The following LIN9 variants were observed in gnomAD, a reference collection of about 807,000 sequenced individuals.
LIN9 encodes the protein lin-9 DREAM MuvB core complex component.
A neutral mutation model predicts 78.0 loss-of-function variants in LIN9; 18 were observed. That is an observed-to-expected ratio of 0.23 (90% confidence interval 0.16 to 0.34). The LOEUF is 0.34. Among genes scored for constraint, LIN9 ranks in the 10% least tolerant of loss-of-function variants. The pLI, the probability that LIN9 is intolerant of heterozygous loss-of-function variation, is 1.00. For missense variants in LIN9, 451 were observed against 644.1 expected (o/e 0.70, Z 3.25); for synonymous variants, 192 against 215.2 (o/e 0.89, Z 0.94).
chr1:226,235,911 T>A (rs1657673994), intron 12 of LIN9, among the ~76,000 whole-genome samples: 1 of 152,220 alleles, frequency 6.6e-6, no homozygotes, highest in African/African-American at 2.4e-5. Flanking sequence ...TACATTGTAT[T>A]TCCACTTATT....
intron 1 of LIN9, among the ~76,000 whole-genome samples, chr1:226,305,323 A>C (rs931704380): frequency 6.7e-6 from 1 of 148,612 alleles, no homozygotes; most frequent in African/African-American, 2.5e-5. Flanking sequence ...AAGAAAAAAA[A>C]AAAAAAAAAA....
At chr1:226,298,922 G>A (rs1164218121) in intron 2 of LIN9, among the ~76,000 whole-genome samples, 1 of 151,946 alleles carries the variant, frequency 6.6e-6, no homozygotes, top group Non-Finnish European at 1.5e-5. Context: ...AAATCAGCGT[G>A]GTTATTTCTG....
intron 4 of LIN9, among the ~76,000 whole-genome samples, chr1:226,288,131 C>A (rs536621263): frequency 1.1e-4 from 17 of 152,240 alleles, no homozygotes; most frequent in Admixed American, 7.9e-4. Flanking sequence ...GCCACCACAC[C>A]CAGCTAATTT....
intron 11 of LIN9, among the ~76,000 whole-genome samples, chr1:226,244,592 C>A (rs575308314): frequency 2.6e-5 from 4 of 152,168 alleles, no homozygotes; most frequent in Non-Finnish European, 4.4e-5. Flanking sequence ...GTGTGGCTTA[C>A]AGGTTCATGT....
At chr1:226,257,390 C>T (rs1659272675) in intron 10 of LIN9, among the ~76,000 whole-genome samples, 1 of 152,036 alleles carries the variant, frequency 6.6e-6, no homozygotes, top group Admixed American at 6.5e-5. Context: ...CTAATTGTTC[C>T]AACAGATAAC....
In LIN9 at chr1:226,243,493, G is replaced by A. The variant is rs1356614178; in HGVS notation, c.1120-4397C>T. On this transcript the variant is annotated intron_variant, in intron 11 of 14. Coordinates refer to ENST00000681046, the MANE Select transcript of LIN9 (RefSeq NM_001366245.2). ...GCAGATCACTTGAGGTCAGGAGTTC[G>A]AGACCAGCCTGGCCAACATGGTGAA... Among the ~76,000 whole-genome samples, 9 of 152,088 alleles carry A rather than the reference G, an allele frequency of 5.9e-5. No individual in the cohort carries two copies. The South Asian group carries it at 1.0e-3, about 18-fold the overall frequency.
intron 7 of LIN9, among the ~76,000 whole-genome samples, chr1:226,276,446 A>G (rs1199170989): frequency 6.6e-6 from 1 of 152,240 alleles, no homozygotes; most frequent in African/African-American, 2.4e-5. Context: ...TCTGTTGATT[A>G]CACAGTGAGT....
At chr1:226,304,908 T>C (rs1049075923) in intron 1 of LIN9, among the ~76,000 whole-genome samples, 1 of 152,046 alleles carries the variant, frequency 6.6e-6, no homozygotes, top group African/African-American at 2.4e-5. Context: ...ATTTAAAGAA[T>C]ATGGGCCTGG....
At chr1:226,305,523 A>ACAT (rs1662855649) in intron 1 of LIN9, among the ~76,000 whole-genome samples, 1 of 151,726 alleles carries the variant, frequency 6.6e-6, no homozygotes. Flanking sequence ...TTTAAAGAAG[A>ACAT]CATAATTTAG....
chr1:226,290,882 G>A (rs183978013), intron 4 of LIN9, among the ~76,000 whole-genome samples: 273 of 152,084 alleles, frequency 1.8e-3, no homozygotes, highest in African/African-American at 6.1e-3. Context: ...TCAGCCTCCC[G>A]AGTAGCTGGG....
chr1:226,231,455 T>A lies in LIN9; in HGVS notation c.*1046A>T, dbSNP rs1391917510. 2 of 152,562 alleles carry A rather than the reference T, an allele frequency of 1.3e-5. No homozygotes were observed. Among genetic ancestry groups the A allele is most frequent in the Non-Finnish European group, 2.9e-5 (2 of 68,022 alleles). 9.5% of individuals were successfully genotyped at this position (152,562 alleles called of 1,614,324 possible). On this transcript the variant is annotated 3_prime_UTR_variant, in exon 15 of 15. Transcript: ENST00000681046. Reference sequence around the variant, plus strand: ...TTAAACTCCAAATTTGAAAAAAATTTATATTTTGAGTTTATAATATTCTAT... The same window carrying A: ...TTAAACTCCAAATTTGAAAAAAATTAATATTTTGAGTTTATAATATTCTAT...
chr1:226,247,191 T>A (rs956738466), intron 11 of LIN9, among the ~76,000 whole-genome samples: 2 of 152,176 alleles, frequency 1.3e-5, no homozygotes, highest in African/African-American at 4.8e-5. Context: ...TTGGTCTTTT[T>A]TATTGTTGTT....
At chr1:226,284,826 C>G (rs1444077285) in intron 6 of LIN9, among the ~76,000 whole-genome samples, 4 of 152,178 alleles carry the variant, frequency 2.6e-5, no homozygotes, top group Non-Finnish European at 5.9e-5. Context: ...TCCTGTATGT[C>G]TTAATGTTTC....
At chr1:226,309,088 G>C (rs755018747) in intron 1 of LIN9, 21 bp downstream of exon 1, 6 of 1,310,952 alleles carry the variant, frequency 4.6e-6, no homozygotes, top group Middle Eastern at 2.6e-4. Context: ...AAAGGGGGGG[G>C]TGCTTTGAGG....
chr1:226,231,312 CTA>C lies in LIN9; in HGVS notation c.*1187_*1188del, dbSNP rs945195566. On this transcript the variant is annotated 3_prime_UTR_variant, in exon 15 of 15. Coordinates refer to ENST00000681046, the MANE Select transcript of LIN9 (RefSeq NM_001366245.2). ...CAAAGAATACGGAAGCCTTTTTAAA[CTA>C]TACAAAAATTTCAAATGGAAAATAA... is the stretch of plus-strand genomic sequence containing the variant. 3 of 152,424 alleles carry C rather than the reference CTA, an allele frequency of 2.0e-5. No individual in the cohort carries two copies. Among genetic ancestry groups the C allele is most frequent in the African/African-American group, 7.2e-5 (3 of 41,404 alleles). The allele number at this position is 152,424 out of a possible 1,614,324, so 9.4% of individuals were successfully genotyped here.
chr1:226,304,189 G>A (rs530430197), intron 1 of LIN9, among the ~76,000 whole-genome samples: 1 of 152,296 alleles, frequency 6.6e-6, no homozygotes, highest in Admixed American at 6.5e-5. Flanking sequence ...TAAGAACATG[G>A]ATTTTTCAGT....
chr1:226,309,680 C>T (rs929038389), upstream of LIN9: 1 of 1,283,208 alleles, frequency 7.8e-7, no homozygotes, highest in Admixed American at 2.3e-5. Context: ...TTTCCCGAGA[C>T]CGCCGGCCGC....
chr1:226,287,322 G>A (rs530593790), intron 5 of LIN9, among the ~76,000 whole-genome samples: 2 of 152,200 alleles, frequency 1.3e-5, no homozygotes, highest in African/African-American at 4.8e-5. Flanking sequence ...GTTTCTCTAT[G>A]ATTATACCAG....
intron 1 of LIN9, among the ~76,000 whole-genome samples, chr1:226,306,153 C>T (rs1429467834): frequency 2.6e-5 from 4 of 151,780 alleles, no homozygotes; most frequent in Non-Finnish European, 4.4e-5. Context: ...GGTGAAACCC[C>T]GCCTCTACTA....
Sources: gnomAD v4.1 joint callset for allele counts (sites outside exome capture counted in the v4.1 genomes callset) on GRCh38, gnomAD v4.1.1 for gene constraint, MANE v1.5 for transcripts, NCBI Gene and HGNC (gene_info 2026-07-23, HGNC 2026-07-21) for gene names.